TMEM132D: variants seen among roughly 807,000 people sequenced by gnomAD.
TMEM132D encodes mature OL transmembrane protein.
TMEM132D carries 21 observed loss-of-function variants against 62.3 expected under a neutral mutation model. The ratio of observed to expected loss-of-function variants is 0.34; its 90% CI spans 0.24 to 0.49. The LOEUF is 0.49. Among genes scored for constraint, TMEM132D ranks in the 20% least tolerant of loss-of-function variants. The pLI is 0.99. For synonymous variants in TMEM132D, 621 were observed against 575.6 expected, an observed-to-expected ratio of 1.08 and a Z score of -1.13; for missense variants, 1,346 against 1,402.8, an observed-to-expected ratio of 0.96 and a Z score of 0.65.
intron 4 of TMEM132D, among the ~76,000 whole-genome samples, chr12:129,299,832 G>A (rs1434335809): frequency 1.3e-5 from 2 of 152,132 alleles, no homozygotes; most frequent in Non-Finnish European, 1.5e-5. Flanking sequence ...CTTTTGTGCC[G>A]TAAAGTTAAA....
intron 3 of TMEM132D, among the ~76,000 whole-genome samples, chr12:129,451,146 G>A (rs894639952): frequency 4.0e-5 from 6 of 150,804 alleles, no homozygotes; most frequent in African/African-American, 7.5e-5. Flanking sequence ...TCCAAATGAC[G>A]GTGCTGCCCT....
intron 5 of TMEM132D, among the ~76,000 whole-genome samples, chr12:129,193,060 A>G (rs1878448763): frequency 1.3e-5 from 2 of 151,250 alleles, no homozygotes; most frequent in African/African-American, 4.9e-5. Context: ...AGGGAGGCTG[A>G]GGCAGGAGAA....
chr12:129,548,971 C>T (rs556791711), intron 2 of TMEM132D, among the ~76,000 whole-genome samples: 21 of 152,386 alleles, frequency 1.4e-4, no homozygotes, highest in African/African-American at 4.8e-4. Context: ...TGAAATTTCA[C>T]ATCACTCGTT....
Position 129,337,802 on chromosome 12 carries a change from G to A in TMEM132D, c.1131C>T (p.Ser377=), listed in dbSNP as rs2135658411. The A allele has an allele frequency of 1.2e-6, 2 of 1,610,870 alleles. No individual in the cohort carries two copies. Among genetic ancestry groups the A allele is most frequent in the South Asian group, 1.1e-5 (1 of 90,848 alleles). The stretch of plus-strand genomic sequence containing the variant: ...CCACATCGATCTGCATGACCTCGTA[G>A]GAGGCGCCATCCGCACTGGAGAGAA... The part of the protein sequence containing the change: ...AGSENSADGA[S]YEVMQIDVEV... The change falls in exon 4 of 9, where the codon TCC becomes TCT. Residue 377 remains serine, a synonymous_variant. Coordinates refer to ENST00000422113, the MANE Select transcript of TMEM132D (RefSeq NM_133448.3).
At chr12:129,329,814 C>T (rs1869047823) in intron 4 of TMEM132D, among the ~76,000 whole-genome samples, 1 of 152,034 alleles carries the variant, frequency 6.6e-6, no homozygotes, top group Admixed American at 6.5e-5. Flanking sequence ...GTAACACAAA[C>T]CAGGAGAATA....
At chr12:129,683,381 G>T (rs538510334) in intron 2 of TMEM132D, among the ~76,000 whole-genome samples, 1 of 152,158 alleles carries the variant, frequency 6.6e-6, no homozygotes, top group South Asian at 2.1e-4. Context: ...GAATTGTTTT[G>T]AGGATTAAAT....
chr12:129,448,199 G>T (rs769497240), intron 3 of TMEM132D, among the ~76,000 whole-genome samples: 1 of 152,162 alleles, frequency 6.6e-6, no homozygotes, highest in Non-Finnish European at 1.5e-5. Context: ...TGCAGAAACT[G>T]AGGCTTAGAC....
intron 3 of TMEM132D, among the ~76,000 whole-genome samples, chr12:129,352,453 TA>T (rs1869898282): frequency 6.6e-6 from 1 of 151,462 alleles, no homozygotes; most frequent in African/African-American, 2.4e-5. Flanking sequence ...TTTTTTTTTC[TA>T]GCATCAGAGT....
chr12:129,313,569 G>GTATA (rs71451305), intron 4 of TMEM132D, among the ~76,000 whole-genome samples: 23,053 of 148,240 alleles, frequency 0.16, 2,159 homozygotes, highest in Non-Finnish European at 0.22. Context: ...GTGTGTGTGT[G>GTATA]TATATATATA....
chr12:129,612,627 A>AATAT (rs139569987), intron 2 of TMEM132D, among the ~76,000 whole-genome samples: 42 of 149,932 alleles, frequency 2.8e-4, no homozygotes, highest in East Asian at 2.2e-3. Context: ...TTCTTTTTAA[A>AATAT]ATATATATAT....
chr12:129,350,698 A>G (rs1869836481), intron 3 of TMEM132D, among the ~76,000 whole-genome samples: 1 of 152,230 alleles, frequency 6.6e-6, no homozygotes, highest in African/African-American at 2.4e-5. Flanking sequence ...CTCCACTTCC[A>G]GTTGCCCTGG....
At chr12:129,122,272 C>A (rs1263340293) in intron 5 of TMEM132D, among the ~76,000 whole-genome samples, 1 of 152,190 alleles carries the variant, frequency 6.6e-6, no homozygotes, top group African/African-American at 2.4e-5. Flanking sequence ...TTGTGCACAC[C>A]AGACATACCA....
chr12:129,847,368 T>C (rs1244582878), intron 1 of TMEM132D, among the ~76,000 whole-genome samples: 3 of 152,206 alleles, frequency 2.0e-5, no homozygotes, highest in Non-Finnish European at 4.4e-5. Flanking sequence ...TTGGAAATGC[T>C]TCAAGAGAAA....
intron 1 of TMEM132D, among the ~76,000 whole-genome samples, chr12:129,869,760 C>T (rs980612725): frequency 3.9e-5 from 6 of 152,224 alleles, no homozygotes; most frequent in African/African-American, 1.2e-4. Context: ...TGGAGATTTA[C>T]GTAAGAGGAG....
At chr12:129,253,740 T>C (rs747876988) in intron 4 of TMEM132D, among the ~76,000 whole-genome samples, 1 of 152,156 alleles carries the variant, frequency 6.6e-6, no homozygotes. Flanking sequence ...TTCTTTTCTT[T>C]TGTGGCATGG....
chr12:129,335,348 A>G (rs146253238), intron 4 of TMEM132D, among the ~76,000 whole-genome samples: 2,609 of 151,602 alleles, frequency 0.017, 66 homozygotes, highest in African/African-American at 0.06. Context: ...ATGTTGGTCA[A>G]GCTGGTCTTG....
intron 4 of TMEM132D, among the ~76,000 whole-genome samples, chr12:129,313,508 T>A (rs565617997): frequency 1.3e-5 from 2 of 152,102 alleles, no homozygotes; most frequent in African/African-American, 2.4e-5. Flanking sequence ...CATTCCTTTT[T>A]ATGGCTGTGT....
At position 129,142,972 on chromosome 12, in the gene TMEM132D, C is replaced by T. The variant is rs1593275129; in HGVS notation, c.1444-58270G>A. On this transcript the variant is annotated intron_variant, in intron 5 of 8. Coordinates refer to ENST00000422113, the MANE Select transcript of TMEM132D (RefSeq NM_133448.3). ...AAAAAAATCTCTCAAACTGTGTTTTCCTCTGCTCTAATCAAAACAAGCATC... is the reference window on the plus strand; with the variant it reads ...AAAAAAATCTCTCAAACTGTGTTTTTCTCTGCTCTAATCAAAACAAGCATC... 2.0e-5 allele frequency among the ~76,000 whole-genome samples: 3 copies of T among 152,094 alleles called. No individual in the cohort carries two copies. In the East Asian group the frequency reaches 5.8e-4, roughly 29 times the overall value.
At chr12:129,384,312 G>T (rs1871042644) in intron 3 of TMEM132D, among the ~76,000 whole-genome samples, 1 of 152,184 alleles carries the variant, frequency 6.6e-6, no homozygotes, top group Admixed American at 6.5e-5. Context: ...AACACATTGT[G>T]TCACAGATGG....
Sources: gnomAD v4.1 joint callset for allele counts (sites outside exome capture counted in the v4.1 genomes callset) on GRCh38, gnomAD v4.1.1 for gene constraint, MANE v1.5 for transcripts, NCBI Gene and HGNC (gene_info 2026-07-23, HGNC 2026-07-21) for gene names.